TXLNA: variants seen among roughly 807,000 people sequenced by gnomAD.
TXLNA encodes taxilin alpha, also known as alpha-taxilin.
A neutral mutation model predicts 61.4 loss-of-function variants in TXLNA; 9 were observed. The ratio of observed to expected loss-of-function variants is 0.15; its 90% confidence interval spans 0.09 to 0.26. The LOEUF is 0.26. Among genes scored for constraint, TXLNA ranks in the 10% least tolerant of loss-of-function variants. The probability of loss-of-function intolerance (pLI) is 1.00; values close to 1 mark genes in which losing one functional copy is unlikely to be tolerated. For missense variants in TXLNA, 565 were observed against 688.8 expected, an observed-to-expected ratio of 0.82 and a Z score of 2.01; for synonymous variants, 257 against 267.7, an observed-to-expected ratio of 0.96 and a Z score of 0.39.
intron 10 of TXLNA, among the ~76,000 whole-genome samples, 158 bp downstream of exon 10, chr1:32,194,318 C>T (rs866119016): frequency 1.3e-5 from 2 of 152,144 alleles, no homozygotes; most frequent in South Asian, 2.1e-4. Flanking sequence ...GTTCTCTCCC[C>T]ATGGGAGGTG....
In TXLNA at chr1:32,188,062, C is replaced by G. The variant is rs755185506; in HGVS notation, c.706C>G (p.Leu236Val). Residue 236 changes from leucine to valine, a missense_variant, in exon 5 of 11, where the codon CTG becomes GTG. Transcript: ENST00000373610. ...HLRGEHSKAV[L>V]ARSKLESLCR... ...GCGCGGTGAGCACAGCAAGGCCGTC[C>G]TGGCCCGCAGCAAGCTTGAGAGCCT... 6.3e-7 allele frequency: 1 copy of G among 1,596,190 alleles called. No individual in the cohort carries two copies. The highest frequency in any genetic ancestry group is 1.1e-5 in the South Asian group (1 of 88,200).
In TXLNA at chr1:32,195,284, C is replaced by A; in HGVS notation, c.*89C>A. 7.0e-7 allele frequency: 1 copy of A among 1,422,334 alleles called. No individual in the cohort carries two copies. Among genetic ancestry groups the A allele is most frequent in the Non-Finnish European group, 9.4e-7 (1 of 1,065,594 alleles). The allele number at this position is 1,422,334 out of a possible 1,614,324, so 88.1% of individuals were successfully genotyped here. Reference sequence around the variant, plus strand: ...GGCTCCCATGCTGAGCAGCCCATTGCTGAAGCCAGGATGTTCTGACCTGGC... The same window carrying A: ...GGCTCCCATGCTGAGCAGCCCATTGATGAAGCCAGGATGTTCTGACCTGGC... On this transcript the variant is annotated 3_prime_UTR_variant, in exon 11 of 11. Transcript: ENST00000373610.
intron 10 of TXLNA, 73 bp downstream of exon 10, chr1:32,194,233 C>T (rs541426620): frequency 4.8e-6 from 6 of 1,248,814 alleles, no homozygotes; most frequent in Non-Finnish European, 6.9e-6. Context: ...CCTGTATGTT[C>T]TACCCATCAG....
intron 4 of TXLNA, among the ~76,000 whole-genome samples, chr1:32,186,661 T>C (rs1642795275): frequency 6.6e-6 from 1 of 152,052 alleles, no homozygotes; most frequent in South Asian, 2.1e-4. Flanking sequence ...GGATTGGAGG[T>C]CCTATAGGGT....
Position 32,192,222 on chromosome 1 carries a change from T to C in TXLNA, c.964-89T>C, listed in dbSNP as rs1228796530. The C allele has an allele frequency of 4.5e-6, 7 of 1,555,100 alleles. No individual in the cohort carries two copies. Among genetic ancestry groups the C allele is most frequent in the Non-Finnish European group, 5.2e-6 (6 of 1,143,510 alleles). On this transcript the variant is annotated intron_variant, in intron 6 of 10. Transcript: ENST00000373610. This position sits in a 1 kb window ranked among gnomAD's most constrained non-coding sequence, Gnocchi z 4.2. ...ATCATATCAGATTGAGATGGGGGGC[T>C]GGGCAAAGTGCCCTGGTCTGTGGCT... is the stretch of plus-strand genomic sequence containing the variant.
At chr1:32,193,777 G>A (rs906190500) in intron 9 of TXLNA, among the ~76,000 whole-genome samples, 2 of 151,356 alleles carry the variant, frequency 1.3e-5, no homozygotes, top group Admixed American at 6.6e-5. Context: ...GGCTGGTCTC[G>A]AACTCTTGGC....
At position 32,196,068 on chromosome 1, in the gene TXLNA, T is replaced by G. The variant is rs1007583808; in HGVS notation, c.*873T>G. The G allele has an allele frequency of 1.2e-5, 2 of 164,086 alleles. No homozygotes were observed. Among genetic ancestry groups the G allele is most frequent in the African/African-American group, 4.9e-5 (2 of 40,944 alleles). 10.2% of individuals were successfully genotyped at this position (164,086 alleles called of 1,614,324 possible). ...AGGAAGAGGGATGCTGTAGCAGTGG[T>G]GCCTGGGTGCCTGGCCTCCAGTGTC... On this transcript the variant is annotated 3_prime_UTR_variant, in exon 11 of 11. Transcript: ENST00000373610.
rs112339096 is a variant in TXLNA at position 32,187,525 on chromosome 1, G to A, written c.598-429G>A. On this transcript the variant is annotated intron_variant, in intron 4 of 10. Coordinates refer to ENST00000373610, the MANE Select transcript of TXLNA (RefSeq NM_175852.4). ...TGTGTTGGGGAGAGCGCTGATGAACGCAGCGCTAACGTTTTGAAGGAATGC... is the reference window on the plus strand; with the variant it reads ...TGTGTTGGGGAGAGCGCTGATGAACACAGCGCTAACGTTTTGAAGGAATGC... Among the ~76,000 whole-genome samples, 40 of 152,254 alleles carry A rather than the reference G, an allele frequency of 2.6e-4. 1 individual carries two copies. Among genetic ancestry groups the A allele is most frequent in the African/African-American group, 9.4e-4 (39 of 41,544 alleles).
chr1:32,187,180 G>A lies in TXLNA; in HGVS notation c.598-774G>A, dbSNP rs577732859. Among the ~76,000 whole-genome samples the A allele has an allele frequency of 3.9e-5, 6 of 152,288 alleles. No homozygotes were observed. In the South Asian group the frequency reaches 1.0e-3, roughly 26 times the overall value. ...GCCTCCCAAAGTGCTGGGATTACAG[G>A]CATGAGCCACCACTCCCGGCCTCAC... On this transcript the variant is annotated intron_variant, in intron 4 of 10. Coordinates refer to ENST00000373610, the MANE Select transcript of TXLNA (RefSeq NM_175852.4).
Position 32,195,480 on chromosome 1 carries a change from G to C in TXLNA, c.*285G>C, listed in dbSNP as rs1430326148. 1.8e-6 allele frequency: 1 copy of C among 545,310 alleles called. No homozygotes were observed. Among genetic ancestry groups the C allele is most frequent in the African/African-American group, 1.9e-5 (1 of 52,926 alleles). 33.8% of individuals were successfully genotyped at this position (545,310 alleles called of 1,614,324 possible). On this transcript the variant is annotated 3_prime_UTR_variant, in exon 11 of 11. Coordinates refer to ENST00000373610, the MANE Select transcript of TXLNA (RefSeq NM_175852.4). ...GCTTGTCTGTGAGCTGAAGAGTCTTGAGAGGGGCTGTCATCTGTAGCTGCC... is the reference window on the plus strand; with the variant it reads ...GCTTGTCTGTGAGCTGAAGAGTCTTCAGAGGGGCTGTCATCTGTAGCTGCC...
chr1:32,187,422 G>A (rs1642810993), intron 4 of TXLNA, among the ~76,000 whole-genome samples: 1 of 152,224 alleles, frequency 6.6e-6, no homozygotes, highest in African/African-American at 2.4e-5. Context: ...GTTTGTGGAA[G>A]AGGTGATGGA....
In TXLNA at chr1:32,195,309, C is replaced by T. The variant is rs1309943047; in HGVS notation, c.*114C>T. On this transcript the variant is annotated 3_prime_UTR_variant, in exon 11 of 11. Coordinates refer to ENST00000373610, the MANE Select transcript of TXLNA (RefSeq NM_175852.4). ...CTGAAGCCAGGATGTTCTGACCTGG[C>T]TGGCATCTGGCACTTGCAATTTTGG... 1.6e-6 allele frequency: 2 copies of T among 1,256,760 alleles called. No individual in the cohort carries two copies. Among genetic ancestry groups the T allele is most frequent in the African/African-American group, 1.5e-5 (1 of 66,366 alleles). 77.9% of individuals were successfully genotyped at this position (1,256,760 alleles called of 1,614,324 possible). A position where few individuals can be genotyped will look rare whatever the true frequency, so the allele number is the denominator to read the frequency against.
Position 32,192,899 on chromosome 1 carries a change from G to A in TXLNA, c.1158+168G>A, listed in dbSNP as rs1210438166. On this transcript the variant is annotated intron_variant, in intron 8 of 10. Transcript: ENST00000373610. The surrounding 1 kb of genome is among the most constrained non-coding windows in gnomAD (Gnocchi z 4.2). Reference sequence around the variant, plus strand: ...ACCTGCACAGTACCTATGTGGTGGTGACCAGGTAGTTAGGTGGGCTCAGAG... The same window carrying A: ...ACCTGCACAGTACCTATGTGGTGGTAACCAGGTAGTTAGGTGGGCTCAGAG... 6.6e-6 allele frequency among the ~76,000 whole-genome samples: 1 copy of A among 152,112 alleles called. No individual in the cohort carries two copies. The highest frequency in any genetic ancestry group is 6.5e-5 in the Admixed American group (1 of 15,280).
chr1:32,185,059 G>C (rs976167900), intron 4 of TXLNA, among the ~76,000 whole-genome samples: 1 of 152,130 alleles, frequency 6.6e-6, no homozygotes. Flanking sequence ...TAGCTGTCTT[G>C]TAGGATGCCC....
At chr1:32,193,399 A>G (rs1212991388) in intron 9 of TXLNA, 99 bp downstream of exon 9, 3 of 866,168 alleles carry the variant, frequency 3.5e-6, no homozygotes, top group South Asian at 1.4e-5. Flanking sequence ...GGGGTGTCTC[A>G]AGGGCAGGGC....
chr1:32,185,793 G>T (rs1386958509), intron 4 of TXLNA, among the ~76,000 whole-genome samples: 2 of 151,536 alleles, frequency 1.3e-5, no homozygotes, highest in African/African-American at 4.9e-5. Flanking sequence ...CCACCTCCCA[G>T]GTTCAAGCGA....
intron 3 of TXLNA, among the ~76,000 whole-genome samples, chr1:32,183,252 T>C (rs1173458862): frequency 6.8e-6 from 1 of 148,042 alleles, no homozygotes; most frequent in Non-Finnish European, 1.5e-5. Context: ...GCCTCCCGAG[T>C]AGCTGGGACT....
chr1:32,185,851 AC>A (rs1281520682), intron 4 of TXLNA, among the ~76,000 whole-genome samples: 2 of 150,990 alleles, frequency 1.3e-5, no homozygotes, highest in African/African-American at 4.9e-5. Context: ...GGTGCATGTC[AC>A]CATGCCTGGC....
At chr1:32,180,140 C>G in intron 1 of TXLNA, 174 bp from the exon 2 acceptor site, 5 of 574,418 alleles carry the variant, frequency 8.7e-6, no homozygotes, top group Non-Finnish European at 1.4e-5. Context: ...AAAGCCTGCC[C>G]CGGCACGTCG....
Sources: gnomAD v4.1 joint callset for allele counts (sites outside exome capture counted in the v4.1 genomes callset) on GRCh38, gnomAD v4.1.1 for gene constraint, Gnocchi (gnomAD v3.1) non-coding constraint, MANE v1.5 for transcripts, NCBI Gene and HGNC (gene_info 2026-07-23, HGNC 2026-07-21) for gene names.